Variants in ARID1B observed in about 807,000 individuals in gnomAD.
ARID1B encodes AT-rich interactive domain-containing protein 1B.
In ARID1B, 30 loss-of-function variants were observed where a neutral mutation model predicts 212.3. The observed-to-expected ratio is 0.14, with a 90% CI of 0.11 to 0.19. The LOEUF (loss-of-function observed/expected upper bound fraction) is 0.19. Among genes scored for constraint, ARID1B ranks in the 10% least tolerant of loss-of-function variants. The probability of loss-of-function intolerance (pLI) is 1.00; values close to 1 mark genes in which losing one functional copy is unlikely to be tolerated. For synonymous variants in ARID1B, 1,402 were observed against 1,301.7 expected (o/e 1.08, Z -1.66); for missense variants, 2,891 against 3,204.0 (o/e 0.90, Z 2.36).
Position 156,897,191 on chromosome 6 carries a change from A to ACTGCTGCTG in ARID1B, c.1987-4164_1987-4156dup, listed in dbSNP as rs576037969. ...AGCAAATTCTTCTTTTGCTGCTGCT[A>ACTGCTGCTG]CTGCTGCTGCTGCTGCTGCTGCTGC... On this transcript the variant is annotated intron_variant, in intron 2 of 19. Coordinates refer to ENST00000636930, the MANE Select transcript of ARID1B (RefSeq NM_001374828.1). Among the ~76,000 whole-genome samples, 910 of 111,648 alleles carry ACTGCTGCTG rather than the reference A, an allele frequency of 8.2e-3. 5 individuals carry two copies. Among genetic ancestry groups the ACTGCTGCTG allele is most frequent in the Non-Finnish European group, 0.011 (579 of 50,512 alleles). The allele number at this position is 111,648 out of a possible 152,430, so 73.2% of individuals were successfully genotyped here.
At chr6:157,032,191 A>G (rs2024657) in intron 4 of ARID1B, among the ~76,000 whole-genome samples, 92,145 of 152,146 alleles carry the variant, frequency 0.61, 29,100 homozygotes, top group African/African-American at 0.79. Context: ...GGATACATTC[A>G]AATATTTAAA....
intron 5 of ARID1B, among the ~76,000 whole-genome samples, chr6:157,106,251 A>G (rs1786469313): frequency 6.6e-6 from 1 of 152,090 alleles, no homozygotes; most frequent in Non-Finnish European, 1.5e-5. Flanking sequence ...TGTGCCACAA[A>G]CTTACCAGCT....
intron 2 of ARID1B, among the ~76,000 whole-genome samples, chr6:156,899,214 T>A (rs938110287): frequency 6.8e-6 from 1 of 148,148 alleles, no homozygotes; most frequent in East Asian, 1.9e-4. Flanking sequence ...GTCATGTGAC[T>A]GACCGTATTC....
chr6:157,050,849 T>G (rs559603271), intron 4 of ARID1B, among the ~76,000 whole-genome samples: 1 of 152,346 alleles, frequency 6.6e-6, no homozygotes, highest in South Asian at 2.1e-4. Context: ...TAGATGCACA[T>G]ATATGTGTGT....
chr6:157,026,149 TC>T (rs1362388944), intron 4 of ARID1B, among the ~76,000 whole-genome samples: 1 of 152,132 alleles, frequency 6.6e-6, no homozygotes, highest in Non-Finnish European at 1.5e-5. Flanking sequence ...GGTCTCAAAC[TC>T]CCGACCTCAG....
In ARID1B at chr6:157,182,916, A is replaced by G. The variant is rs146277628; in HGVS notation, c.3715-1315A>G. On this transcript the variant is annotated intron_variant, in intron 12 of 19. Coordinates refer to ENST00000636930, the MANE Select transcript of ARID1B (RefSeq NM_001374828.1). Reference sequence around the variant, plus strand: ...CCTCTTCTGACATGGATTTTTTAGAATCACCAAGACTGCTCAAACGATTAG... The same window carrying G: ...CCTCTTCTGACATGGATTTTTTAGAGTCACCAAGACTGCTCAAACGATTAG... Among the ~76,000 whole-genome samples the G allele has an allele frequency of 6.2e-3, 937 of 152,168 alleles. 10 individuals carry two copies. The highest frequency in any genetic ancestry group is 0.022 in the African/African-American group (896 of 41,486).
chr6:157,124,278 T>C (rs543602850), intron 6 of ARID1B, among the ~76,000 whole-genome samples: 4 of 152,356 alleles, frequency 2.6e-5, no homozygotes, highest in Non-Finnish European at 5.9e-5. Flanking sequence ...TGTTTTTGGT[T>C]CTAACTCTAT....
chr6:156,828,550 G>C (rs9480392), intron 1 of ARID1B, among the ~76,000 whole-genome samples: 14,690 of 152,168 alleles, frequency 0.097, 966 homozygotes, highest in East Asian at 0.3. Flanking sequence ...CTGAAGCCCA[G>C]GGCCTGACTC....
At chr6:156,989,762 C>G (rs1289835482) in intron 4 of ARID1B, among the ~76,000 whole-genome samples, 1 of 152,136 alleles carries the variant, frequency 6.6e-6, no homozygotes, top group Non-Finnish European at 1.5e-5. Flanking sequence ...CAATAAATGC[C>G]TTGTCAAGAG....
intron 6 of ARID1B, among the ~76,000 whole-genome samples, chr6:157,126,011 T>C (rs1018745134): frequency 1.3e-5 from 2 of 152,202 alleles, no homozygotes; most frequent in Admixed American, 1.3e-4. Flanking sequence ...AATACTCTCT[T>C]ATTCCTACCA....
intron 4 of ARID1B, chr6:156,939,832 CT>C (rs1356911957): frequency 5.3e-5 from 8 of 152,094 alleles, no homozygotes; most frequent in Admixed American, 2.6e-4. Context: ...AGTAATACAT[CT>C]TTTTTACTTA....
rs567374498 is a variant in ARID1B, at chr6:157,039,145, C to T, written c.2248-45517C>T. On this transcript the variant is annotated intron_variant, in intron 4 of 19. Transcript: ENST00000636930. ...TTGGCCTCCCAAAGAGTAGTGTTGG[C>T]ATTACAGGCGTTAGCCACTGCTCCT... Among the ~76,000 whole-genome samples, 12 of 152,090 alleles carry T rather than the reference C, an allele frequency of 7.9e-5. No homozygotes were observed. In the South Asian group the frequency reaches 1.9e-3, roughly 24 times the overall value.
chr6:156,952,267 G>A (rs1394675488), intron 4 of ARID1B, among the ~76,000 whole-genome samples: 1 of 152,188 alleles, frequency 6.6e-6, no homozygotes, highest in Non-Finnish European at 1.5e-5. Context: ...GATGAGACTA[G>A]TGATGGTCTA....
In ARID1B at chr6:156,777,971, C is replaced by G; in HGVS notation, c.291C>G (p.His97Gln). Residue 97 changes from histidine (H) to glutamine (Q), a missense_variant, in exon 1 of 20, where the codon CAC (histidine) becomes CAG (glutamine). Transcript: ENST00000636930. ...NAGAAAAAGT[H>Q]SAKSGGSEAA... ...GCGCCGCGGCCGCCGCCGGCACCCA[C>G]AGCGCCAAGAGCGGCGGCTCCGAGG... 1 of 1,531,178 alleles carries G rather than the reference C, an allele frequency of 6.5e-7. No homozygotes were observed. The highest frequency in any genetic ancestry group is 8.7e-7 in the Non-Finnish European group (1 of 1,145,008). 94.8% of individuals were successfully genotyped at this position (1,531,178 alleles called of 1,614,324 possible).
chr6:156,813,229 G>A (rs531825704), intron 1 of ARID1B, among the ~76,000 whole-genome samples: 18 of 149,796 alleles, frequency 1.2e-4, no homozygotes, highest in African/African-American at 2.5e-5. Context: ...TCAGCCTCCC[G>A]AGTAGCTACA....
rs1778998524 is a variant in ARID1B, at chr6:156,779,277, C to CCGT, written c.1600_1602dup (p.Ser534dup). 1.7e-6 allele frequency: 2 copies of CCGT among 1,144,896 alleles called. No individual in the cohort carries two copies. Among genetic ancestry groups the CCGT allele is most frequent in the Non-Finnish European group, 1.1e-6 (1 of 931,876 alleles). The allele number at this position is 1,144,896 out of a possible 1,614,324, so 70.9% of individuals were successfully genotyped here. On this transcript the variant is annotated inframe_insertion, in exon 1 of 20. Transcript: ENST00000636930. ...CAGCCCCAGCGCGCCGCCGCCGCCG[C>CCGT]CGTCGCAGCCCCAGTCCCAGGCGGC...
chr6:156,779,739 CT>C (rs563927911), intron 1 of ARID1B: 2,179 of 157,998 alleles, frequency 0.014, 60 homozygotes, highest in African/African-American at 0.05. Flanking sequence ...CGTCCCCCCC[CT>C]CCCCCAGGCC....
At chr6:156,977,467 C>CA (rs1284847579) in intron 4 of ARID1B, among the ~76,000 whole-genome samples, 4 of 152,056 alleles carry the variant, frequency 2.6e-5, no homozygotes, top group Non-Finnish European at 5.9e-5. Flanking sequence ...GTATTTTTTA[C>CA]ATGCATCATT....
Position 156,987,183 on chromosome 6 carries a change from G to GAGAGAGAGAGAGAGAGAGAGAT in ARID1B, c.2247+51622_2247+51623insGAGAGATAGAGAGAGAGAGAGA, listed in dbSNP as rs1777974065. ...ACAGAGAGAGAGAGAGAGAGAGAGAGAGAGAGAGAGAGAGACCCTGTCTCA... is the reference window on the plus strand; with the variant it reads ...ACAGAGAGAGAGAGAGAGAGAGAGAGAGAGAGAGAGAGAGAGAGAGATAGAGAGAGAGAGAGACCCTGTCTCA... On this transcript the variant is annotated intron_variant, in intron 4 of 19. Transcript: ENST00000636930. Among the ~76,000 whole-genome samples the GAGAGAGAGAGAGAGAGAGAGAT allele has an allele frequency of 9.9e-5, 15 of 151,286 alleles. 1 individual carries two copies. The highest frequency in any genetic ancestry group is 9.8e-4 in the Admixed American group (15 of 15,232).
Sources: allele counts gnomAD v4.1 joint callset (sites outside exome capture counted in the v4.1 genomes callset), GRCh38; gene constraint gnomAD v4.1.1; transcripts MANE v1.5; gene names NCBI Gene and HGNC (gene_info 2026-07-23, HGNC 2026-07-21).